NPRL2: variants seen among roughly 807,000 people sequenced by gnomAD.
NPRL2 encodes GATOR1 complex protein NPRL2.
Under a neutral mutation model 51.1 loss-of-function variants are expected in NPRL2, and 21 were observed. That is an observed-to-expected ratio of 0.41 (90% CI 0.29 to 0.59). The LOEUF is 0.59. NPRL2 is among the 20% of genes least tolerant of loss of function. The probability of loss-of-function intolerance (pLI) is 0.29; values close to 1 mark genes in which losing one functional copy is unlikely to be tolerated. For synonymous variants in NPRL2, 175 were observed against 187.8 expected, an observed-to-expected ratio of 0.93 and a Z score of 0.56; for missense variants, 376 against 483.4, an observed-to-expected ratio of 0.78 and a Z score of 2.08.
Position 50,349,742 on chromosome 3 carries a change from C to T in NPRL2, c.262G>A (p.Val88Met), listed in dbSNP as rs1181138649. The T allele has an allele frequency of 4.3e-6, 7 of 1,613,976 alleles. No individual in the cohort carries two copies. Among genetic ancestry groups the T allele is most frequent in the South Asian group, 2.2e-5 (2 of 91,088 alleles). ...CAGGTCTTGGCCTGGGCATCACACA[C>T]GAAGCCCAGGTTGAAGAGGAGAGCA... ...RNALLFNLGF[V>M]CDAQAKTCAL... The change falls in exon 3 of 11, where the codon GTG becomes ATG. Residue 88 changes from valine (V) to methionine (M), a missense_variant. Physicochemically the swap from Val to Met is conservative, Grantham distance 21. Coordinates refer to ENST00000232501, the MANE Select transcript of NPRL2 (RefSeq NM_006545.5). This position sits in a 1 kb window ranked among gnomAD's most constrained non-coding sequence, Gnocchi z 4.6.
Position 50,348,368 on chromosome 3 carries a change from C to T in NPRL2, c.763G>A (p.Val255Ile), listed in dbSNP as rs1703630607. The T allele has an allele frequency of 6.2e-7, 1 of 1,613,934 alleles. No homozygotes were observed. Among genetic ancestry groups the T allele is most frequent in the East Asian group, 2.2e-5 (1 of 44,880 alleles). Reference sequence around the variant, plus strand: ...GCCTCTTGCAGGGACTTGTCATCTACCAGGTCCTGGACCTTGGGCGTTGGG... The same window carrying T: ...GCCTCTTGCAGGGACTTGTCATCTATCAGGTCCTGGACCTTGGGCGTTGGG... ...YCPTPKVQDL[V>I]DDKSLQEACL... is the part of the protein sequence containing the mutation. Residue 255 changes from valine (V) to isoleucine (I), a missense_variant, in exon 8 of 11, where the codon GTA becomes ATA. Physicochemically the swap from Val to Ile is conservative, Grantham distance 29. Coordinates refer to ENST00000232501, the MANE Select transcript of NPRL2 (RefSeq NM_006545.5). This position sits in a 1 kb window ranked among gnomAD's most constrained non-coding sequence, Gnocchi z 5.8.
chr3:50,348,193 A>C lies in NPRL2; in HGVS notation c.863T>G (p.Leu288Arg). The C allele has an allele frequency of 6.2e-7, 1 of 1,614,070 alleles. No individual in the cohort carries two copies. The highest frequency in any genetic ancestry group is 8.5e-7 in the Non-Finnish European group (1 of 1,180,040). The change falls in exon 9 of 11, where the codon CTG becomes CGG. Residue 288 changes from leucine to arginine, a missense_variant. By Grantham distance (102) the Leu-to-Arg change is moderately radical. Coordinates refer to ENST00000232501, the MANE Select transcript of NPRL2 (RefSeq NM_006545.5). The surrounding 1 kb of genome is among the most constrained non-coding windows in gnomAD (Gnocchi z 5.8). ...LRDVFQLYCS[L>R]SPGTTVRDLI... ...GTCTCGCACGGTAGTGCCAGGGCTC[A>C]GGCTGCAGTATAGCTGGAACACATC...
Position 50,347,503 on chromosome 3 carries a change from T to G in NPRL2, c.*103A>C. ...CTCAATAAAGGCTGTTTGAAATGGATGTCTTTATTTACAGAACTAAGAGTC... is the reference window on the plus strand; with the variant it reads ...CTCAATAAAGGCTGTTTGAAATGGAGGTCTTTATTTACAGAACTAAGAGTC... On this transcript the variant is annotated 3_prime_UTR_variant, in exon 11 of 11. Coordinates refer to ENST00000232501, the MANE Select transcript of NPRL2 (RefSeq NM_006545.5). The G allele has an allele frequency of 7.0e-7, 1 of 1,429,472 alleles. No homozygotes were observed. The highest frequency in any genetic ancestry group is 9.8e-7 in the Non-Finnish European group (1 of 1,018,340). 88.5% of individuals were successfully genotyped at this position (1,429,472 alleles called of 1,614,324 possible).
At position 50,348,891 on chromosome 3, in the gene NPRL2, C is replaced by A; in HGVS notation, c.568G>T (p.Asp190Tyr). Residue 190 changes from aspartate to tyrosine, a missense_variant, in exon 5 of 11, where the codon GAC becomes TAC. Coordinates refer to ENST00000232501, the MANE Select transcript of NPRL2 (RefSeq NM_006545.5). The surrounding 1 kb of genome is among the most constrained non-coding windows in gnomAD (Gnocchi z 5.8). Reference sequence around the variant, plus strand: ...TGGCATACTTGTTGTGTAGTGAGGTCCCACTGTGAGTTGAAGAAATCCTCC... The same window carrying A: ...TGGCATACTTGTTGTGTAGTGAGGTACCACTGTGAGTTGAAGAAATCCTCC... ...DKEDFFNSQW[D>Y]LTTQQILPYI... 1 of 1,614,012 alleles carries A rather than the reference C, an allele frequency of 6.2e-7. No homozygotes were observed. The highest frequency in any genetic ancestry group is 8.5e-7 in the Non-Finnish European group (1 of 1,180,010).
In NPRL2 at chr3:50,348,571, A is replaced by G. The variant is rs1331594109; in HGVS notation, c.684-8T>C. On this transcript the variant is annotated splice_polypyrimidine_tract_variant and splice_region_variant and intron_variant, in intron 6 of 10. Coordinates refer to ENST00000232501, the MANE Select transcript of NPRL2 (RefSeq NM_006545.5). This position sits in a 1 kb window ranked among gnomAD's most constrained non-coding sequence, Gnocchi z 5.8. ...GTCACAACGCCGTAGTACCTGAGAGAGAGAGCTGTGCTCAGCTTCTGAGGA... is the reference window on the plus strand; with the variant it reads ...GTCACAACGCCGTAGTACCTGAGAGGGAGAGCTGTGCTCAGCTTCTGAGGA... 5.0e-6 allele frequency: 8 copies of G among 1,614,008 alleles called. No individual in the cohort carries two copies. The highest frequency in any genetic ancestry group is 5.9e-6 in the Non-Finnish European group (7 of 1,180,048).
Position 50,347,373 on chromosome 3 carries a change from T to G in NPRL2, c.*233A>C. 3.5e-6 allele frequency: 1 copy of G among 287,262 alleles called. No individual in the cohort carries two copies. The allele number at this position is 287,262 out of a possible 1,614,324, so 17.8% of individuals were successfully genotyped here. On this transcript the variant is annotated 3_prime_UTR_variant, in exon 11 of 11. Coordinates refer to ENST00000232501, the MANE Select transcript of NPRL2 (RefSeq NM_006545.5). ...TTTTTTTTTGTAATTAACCGGCACT[T>G]TTATTTGTCGATTGTCGGTCCTGCC...
Position 50,349,709 on chromosome 3 carries a change from C to T in NPRL2, c.295G>A (p.Glu99Lys), listed in dbSNP as rs1489470300. 6.2e-7 allele frequency: 1 copy of T among 1,613,720 alleles called. No individual in the cohort carries two copies. Among genetic ancestry groups the T allele is most frequent in the Non-Finnish European group, 8.5e-7 (1 of 1,179,886 alleles). The change falls in exon 3 of 11, where the codon GAG becomes AAG. Residue 99 changes from glutamate (E) to lysine (K), a missense_variant. Transcript: ENST00000232501. The surrounding 1 kb of genome is among the most constrained non-coding windows in gnomAD (Gnocchi z 4.6). ...CDAQAKTCAL[E>K]PIVKKLAGYL... ...CCAGCCAGCTTTTTAACAATGGGCT[C>T]GAGGGCGCAGGTCTTGGCCTGGGCA...
Position 50,347,461 on chromosome 3 carries a change from C to G in NPRL2, c.*145G>C. On this transcript the variant is annotated 3_prime_UTR_variant, in exon 11 of 11. Transcript: ENST00000232501. ...TCATTCACTGCTGGGTCTCCCACGG[C>G]TGGCCCAGAAACAGCACTCAATAAA... 1.0e-6 allele frequency: 1 copy of G among 985,638 alleles called. No individual in the cohort carries two copies. 61.1% of individuals were successfully genotyped at this position (985,638 alleles called of 1,614,324 possible).
At position 50,348,522 on chromosome 3, in the gene NPRL2, C is replaced by T. The variant is rs765944406; in HGVS notation, c.720+5G>A. The T allele has an allele frequency of 6.8e-6, 11 of 1,614,004 alleles. No individual in the cohort carries two copies. The highest frequency in any genetic ancestry group is 2.7e-5 in the African/African-American group (2 of 74,924). On this transcript the variant is annotated splice_donor_5th_base_variant and intron_variant, in intron 7 of 10. Coordinates refer to ENST00000232501, the MANE Select transcript of NPRL2 (RefSeq NM_006545.5). The surrounding 1 kb of genome is among the most constrained non-coding windows in gnomAD (Gnocchi z 5.8). ...TCTCCACTTAACCAAACCCAACTCA[C>T]CTACCTGGAGGATGGACACCAGTGT... is the stretch of plus-strand genomic sequence containing the variant.
In NPRL2 at chr3:50,349,787, G is replaced by C; in HGVS notation, c.217C>G (p.His73Asp). ...AGAGCATTGCGGCTGTACTTCTTGT[G>C]TTCGATGCACACAGGACAGCCGATC... ...KLIGCPVCIEHKKYSRNALLF... is the reference protein window; with the variant it reads ...KLIGCPVCIEDKKYSRNALLF... The change falls in exon 3 of 11, where the codon CAC becomes GAC. Residue 73 changes from histidine (H) to aspartate (D), a missense_variant. Coordinates refer to ENST00000232501, the MANE Select transcript of NPRL2 (RefSeq NM_006545.5). The surrounding 1 kb of genome is among the most constrained non-coding windows in gnomAD (Gnocchi z 4.6). The C allele has an allele frequency of 6.2e-7, 1 of 1,613,926 alleles. No homozygotes were observed. The highest frequency in any genetic ancestry group is 8.5e-7 in the Non-Finnish European group (1 of 1,179,980).
In NPRL2 at chr3:50,350,580, A is replaced by G; in HGVS notation, c.73T>C (p.Tyr25His). ...FHPTLGPKIT[Y>H]QVPEDFISRE... ...CCCGCGAGCCCGGGTGGCACCTGAT[A>G]GGTGATCTTGGGTCCCAGCGTGGGG... Residue 25 changes from tyrosine to histidine, a missense_variant, in exon 1 of 11, where the codon TAT becomes CAT. Transcript: ENST00000232501. The surrounding 1 kb of genome is among the most constrained non-coding windows in gnomAD (Gnocchi z 5.7). The G allele has an allele frequency of 1.2e-6, 2 of 1,607,156 alleles. No individual in the cohort carries two copies. The highest frequency in any genetic ancestry group is 1.7e-6 in the Non-Finnish European group (2 of 1,177,010).
chr3:50,347,720 C>T (rs1372580286), intron 10 of NPRL2, 39 bp downstream of exon 10: 31 of 1,613,740 alleles, frequency 1.9e-5, no homozygotes, highest in Non-Finnish European at 2.5e-5. Flanking sequence ...GCCTGGCCAC[C>T]CTGCCCTGAA....
rs1703715474 is a variant in NPRL2 at position 50,350,362 on chromosome 3, C to A, written c.78+213G>T. On this transcript the variant is annotated intron_variant, in intron 1 of 10. Coordinates refer to ENST00000232501, the MANE Select transcript of NPRL2 (RefSeq NM_006545.5). This position sits in a 1 kb window ranked among gnomAD's most constrained non-coding sequence, Gnocchi z 5.7. Reference sequence around the variant, plus strand: ...GAACCCCCCAACCGGATCCCTACAGCCCGATATCCTACAAACACTGCCAAT... The same window carrying A: ...GAACCCCCCAACCGGATCCCTACAGACCGATATCCTACAAACACTGCCAAT... 15 of 628,484 alleles carry A rather than the reference C, an allele frequency of 2.4e-5. No homozygotes were observed. The Admixed American group carries it at 4.1e-4, about 17-fold the overall frequency. The allele number at this position is 628,484 out of a possible 1,614,324, so 38.9% of individuals were successfully genotyped here. A position where few individuals can be genotyped will look rare whatever the true frequency, so the allele number is the denominator to read the frequency against.
In NPRL2 at chr3:50,349,174, T is replaced by C. The variant is rs1237480033; in HGVS notation, c.449-164A>G. 6 of 945,922 alleles carry C rather than the reference T, an allele frequency of 6.3e-6. No individual in the cohort carries two copies. In the African/African-American group the frequency reaches 6.6e-5, roughly 10 times the overall value. The allele number at this position is 945,922 out of a possible 1,614,324, so 58.6% of individuals were successfully genotyped here. A position where few individuals can be genotyped will look rare whatever the true frequency, so the allele number is the denominator to read the frequency against. On this transcript the variant is annotated intron_variant, in intron 4 of 10. Transcript: ENST00000232501. The surrounding 1 kb of genome is among the most constrained non-coding windows in gnomAD (Gnocchi z 4.6). Reference sequence around the variant, plus strand: ...ACGGAGGCCCACAAAGGGGAAGGAATTGCCCAAGGGGCAGAGCTGGAGAGC... The same window carrying C: ...ACGGAGGCCCACAAAGGGGAAGGAACTGCCCAAGGGGCAGAGCTGGAGAGC...
rs1703661642 is a variant in NPRL2 at position 50,349,157 on chromosome 3, C to T, written c.449-147G>A. ...TTTTTATGGAGTGAGAAACGGAGGCCCACAAAGGGGAAGGAATTGCCCAAG... is the reference window on the plus strand; with the variant it reads ...TTTTTATGGAGTGAGAAACGGAGGCTCACAAAGGGGAAGGAATTGCCCAAG... On this transcript the variant is annotated intron_variant, in intron 4 of 10. Coordinates refer to ENST00000232501, the MANE Select transcript of NPRL2 (RefSeq NM_006545.5). The surrounding 1 kb of genome is among the most constrained non-coding windows in gnomAD (Gnocchi z 4.6). 1 of 1,050,500 alleles carries T rather than the reference C, an allele frequency of 9.5e-7. No homozygotes were observed. The highest frequency in any genetic ancestry group is 2.5e-5 in the East Asian group (1 of 39,454). The allele number at this position is 1,050,500 out of a possible 1,614,324, so 65.1% of individuals were successfully genotyped here.
Position 50,349,176 on chromosome 3 carries a change from G to T in NPRL2, c.449-166C>A. The T allele has an allele frequency of 1.1e-6, 1 of 927,160 alleles. No homozygotes were observed. Among genetic ancestry groups the T allele is most frequent in the Non-Finnish European group, 1.6e-6 (1 of 627,254 alleles). 57.4% of individuals were successfully genotyped at this position (927,160 alleles called of 1,614,324 possible). ...GGAGGCCCACAAAGGGGAAGGAATT[G>T]CCCAAGGGGCAGAGCTGGAGAGCTC... On this transcript the variant is annotated intron_variant, in intron 4 of 10. Coordinates refer to ENST00000232501, the MANE Select transcript of NPRL2 (RefSeq NM_006545.5). This position sits in a 1 kb window ranked among gnomAD's most constrained non-coding sequence, Gnocchi z 4.6.
Position 50,350,536 on chromosome 3 carries a change from G to T in NPRL2, c.78+39C>A. The T allele has an allele frequency of 6.4e-7, 1 of 1,571,078 alleles. No individual in the cohort carries two copies. Among genetic ancestry groups the T allele is most frequent in the Non-Finnish European group, 8.7e-7 (1 of 1,156,052 alleles). ...GGCAGCCAGTTGAGCTCTCGAGAACGTCCCTCTTCCCGCCCAGTCCCGCGA... is the reference window on the plus strand; with the variant it reads ...GGCAGCCAGTTGAGCTCTCGAGAACTTCCCTCTTCCCGCCCAGTCCCGCGA... On this transcript the variant is annotated intron_variant, in intron 1 of 10. Coordinates refer to ENST00000232501, the MANE Select transcript of NPRL2 (RefSeq NM_006545.5). The surrounding 1 kb of genome is among the most constrained non-coding windows in gnomAD (Gnocchi z 5.7).
Position 50,350,284 on chromosome 3 carries a change from C to T in NPRL2, c.79-262G>A. On this transcript the variant is annotated intron_variant, in intron 1 of 10. Coordinates refer to ENST00000232501, the MANE Select transcript of NPRL2 (RefSeq NM_006545.5). This position sits in a 1 kb window ranked among gnomAD's most constrained non-coding sequence, Gnocchi z 5.7. ...AACTTCCTATGCATCATTTACTCTT[C>T]ACTCAGTTCAGGGATACTCATGGGT... 1.7e-6 allele frequency: 1 copy of T among 598,456 alleles called. No homozygotes were observed. Among genetic ancestry groups the T allele is most frequent in the Non-Finnish European group, 3.0e-6 (1 of 337,316 alleles). 37.1% of individuals were successfully genotyped at this position (598,456 alleles called of 1,614,324 possible).
chr3:50,349,903 C>T lies in NPRL2; in HGVS notation c.170+28G>A. ...TCCTCCTGGGACAACCCCTGCCACC[C>T]ACCGCTCACCCCGAGCTAGGGTCTC... On this transcript the variant is annotated intron_variant, in intron 2 of 10. Coordinates refer to ENST00000232501, the MANE Select transcript of NPRL2 (RefSeq NM_006545.5). The surrounding 1 kb of genome is among the most constrained non-coding windows in gnomAD (Gnocchi z 4.6). 6.2e-7 allele frequency: 1 copy of T among 1,613,806 alleles called. No individual in the cohort carries two copies. The highest frequency in any genetic ancestry group is 8.5e-7 in the Non-Finnish European group (1 of 1,179,886).
Sources: allele counts gnomAD v4.1 joint callset, GRCh38; gene constraint gnomAD v4.1.1; non-coding constraint Gnocchi (gnomAD v3.1); transcripts MANE v1.5; gene names NCBI Gene and HGNC (gene_info 2026-07-23, HGNC 2026-07-21).